The following CSGALNACT1 variants were observed in gnomAD, a reference collection of about 807,000 sequenced individuals.
The protein encoded by CSGALNACT1 is beta4GalNAcT-1.
In CSGALNACT1, 52 loss-of-function variants were observed where a neutral mutation model predicts 51.0. The ratio of observed to expected loss-of-function variants is 1.02; its 90% CI spans 0.82 to 1.29. CSGALNACT1 has a LOEUF of 1.29. Among genes scored for constraint, CSGALNACT1 ranks in the 50% most tolerant of loss-of-function variants. The pLI is 0.00. For missense variants in CSGALNACT1, 935 were observed against 679.2 expected (o/e 1.38, Z -4.19); for synonymous variants, 341 against 254.4 (o/e 1.34, Z -3.24).
chr8:19,660,732 T>A (rs1433704208), intron 1 of CSGALNACT1, among the ~76,000 whole-genome samples: 1 of 152,108 alleles, frequency 6.6e-6, no homozygotes, highest in Non-Finnish European at 1.5e-5. Context: ...ATCCCTGATA[T>A]TAAAGGCAAT....
Position 19,542,531 on chromosome 8 carries a change from T to C in CSGALNACT1, c.-296-36401A>G, listed in dbSNP as rs1239644505. On this transcript the variant is annotated intron_variant, in intron 3 of 9. Coordinates refer to ENST00000454498, the Ensembl canonical transcript of CSGALNACT1. ...CCTGCTGCCCCGACTCTTTTCAACCTCCCAGGTTCTGAGTGACACCCTGAG... is the reference window on the plus strand; with the variant it reads ...CCTGCTGCCCCGACTCTTTTCAACCCCCCAGGTTCTGAGTGACACCCTGAG... Among the ~76,000 whole-genome samples the C allele has an allele frequency of 4.6e-5, 7 of 152,130 alleles. No homozygotes were observed. In the East Asian group the frequency reaches 1.2e-3, roughly 25 times the overall value.
chr8:19,614,764 C>T (rs759144230), intron 1 of CSGALNACT1, among the ~76,000 whole-genome samples: 2 of 152,140 alleles, frequency 1.3e-5, no homozygotes, highest in Non-Finnish European at 2.9e-5. Flanking sequence ...TACAGATGTG[C>T]AAACTGAAGG....
chr8:19,621,976 G>A (rs2053880462), intron 1 of CSGALNACT1, among the ~76,000 whole-genome samples: 2 of 152,038 alleles, frequency 1.3e-5, no homozygotes, highest in Admixed American at 1.3e-4. Context: ...TTTTTCTTAA[G>A]CCTACACAAC....
At chr8:19,706,842 G>C (rs1396682752) in intron 1 of CSGALNACT1, among the ~76,000 whole-genome samples, 2 of 152,080 alleles carry the variant, frequency 1.3e-5, no homozygotes, top group African/African-American at 4.8e-5. Flanking sequence ...GCCCAGGCTG[G>C]TTTTGAACTC....
intron 3 of CSGALNACT1, among the ~76,000 whole-genome samples, chr8:19,506,882 C>G (rs1352199900): frequency 6.6e-6 from 1 of 152,172 alleles, no homozygotes; most frequent in Non-Finnish European, 1.5e-5. Flanking sequence ...AGATAAACCT[C>G]TTTTCTTTTT....
intron 1 of CSGALNACT1, among the ~76,000 whole-genome samples, chr8:19,720,502 T>C (rs1165143212): frequency 2.0e-5 from 3 of 152,208 alleles, no homozygotes; most frequent in Non-Finnish European, 2.9e-5. Context: ...TTATCCTACC[T>C]GGAGAGACAC....
chr8:19,593,826 A>C (rs1307317393), intron 2 of CSGALNACT1, among the ~76,000 whole-genome samples: 2 of 152,148 alleles, frequency 1.3e-5, no homozygotes, highest in African/African-American at 4.8e-5. Flanking sequence ...CCTTCCCTTG[A>C]GGGCTGGATG....
intron 1 of CSGALNACT1, among the ~76,000 whole-genome samples, chr8:19,717,390 GAC>G (rs938481040): frequency 3.3e-5 from 5 of 152,138 alleles, no homozygotes; most frequent in Admixed American, 2.6e-4. Context: ...GTGGAGTACA[GAC>G]ACATAACATA....
At chr8:19,540,013 G>C (rs763659027) in intron 3 of CSGALNACT1, among the ~76,000 whole-genome samples, 1 of 152,130 alleles carries the variant, frequency 6.6e-6, no homozygotes, top group South Asian at 2.1e-4. Flanking sequence ...AGTTAGTGGA[G>C]GTTACCCAAA....
intron 1 of CSGALNACT1, among the ~76,000 whole-genome samples, chr8:19,632,624 T>C (rs896781394): frequency 6.6e-6 from 1 of 152,260 alleles, no homozygotes. Context: ...GTATTTCATA[T>C]GGCAACATCG....
chr8:19,741,663 A>G (rs576316719), intron 1 of CSGALNACT1, among the ~76,000 whole-genome samples: 1 of 152,156 alleles, frequency 6.6e-6, no homozygotes, highest in South Asian at 2.1e-4. Context: ...CTATAGGGAC[A>G]TTTAATAAAG....
At chr8:19,416,517 A>G (rs1267760676) in intron 8 of CSGALNACT1, among the ~76,000 whole-genome samples, 3 of 152,208 alleles carry the variant, frequency 2.0e-5, no homozygotes, top group Non-Finnish European at 2.9e-5. Flanking sequence ...TTCACTCACC[A>G]TCCACTCATT....
At chr8:19,747,404 A>G (rs1360945030) in intron 1 of CSGALNACT1, among the ~76,000 whole-genome samples, 1 of 152,248 alleles carries the variant, frequency 6.6e-6, no homozygotes, top group South Asian at 2.1e-4. Flanking sequence ...GTGCAGACTC[A>G]TTCTTGGAAG....
intron 4 of CSGALNACT1, among the ~76,000 whole-genome samples, chr8:19,502,997 T>G (rs1045508252): frequency 6.6e-6 from 1 of 152,204 alleles, no homozygotes; most frequent in Admixed American, 6.5e-5. Context: ...TGGCCCCTTA[T>G]ACTGCACTTA....
At chr8:19,691,327 G>A (rs1564433284) in intron 1 of CSGALNACT1, among the ~76,000 whole-genome samples, 1 of 152,144 alleles carries the variant, frequency 6.6e-6, no homozygotes, top group Non-Finnish European at 1.5e-5. Flanking sequence ...AGGGCTTCTA[G>A]ATCTCACTGT....
chr8:19,570,991 A>G (rs2042907592), intron 3 of CSGALNACT1, among the ~76,000 whole-genome samples: 1 of 152,110 alleles, frequency 6.6e-6, no homozygotes, highest in African/African-American at 2.4e-5. Context: ...GTATTTATTT[A>G]TTTTTGAGAC....
At chr8:19,547,028 G>A (rs546375485) in intron 3 of CSGALNACT1, among the ~76,000 whole-genome samples, 5 of 152,296 alleles carry the variant, frequency 3.3e-5, no homozygotes, top group Non-Finnish European at 5.9e-5. Context: ...CACCGTCTGA[G>A]AACTTACCAG....
intron 6 of CSGALNACT1, among the ~76,000 whole-genome samples, chr8:19,431,148 G>T (rs549871463): frequency 2.6e-5 from 4 of 151,902 alleles, no homozygotes; most frequent in Admixed American, 6.6e-5. Flanking sequence ...TTTCCAATCT[G>T]GATGACTGTT....
intron 5 of CSGALNACT1, among the ~76,000 whole-genome samples, chr8:19,450,072 G>A (rs1245136781): frequency 7.9e-6 from 1 of 126,578 alleles, no homozygotes; most frequent in African/African-American, 3.0e-5. Context: ...AGAAGAAAGA[G>A]GGGGAGGAGG....
Sources: allele counts gnomAD v4.1 joint callset (sites outside exome capture counted in the v4.1 genomes callset), GRCh38; gene constraint gnomAD v4.1.1; transcripts MANE v1.5; gene names NCBI Gene and HGNC (gene_info 2026-07-23, HGNC 2026-07-21).